The following CDHR3 variants were observed in gnomAD, a reference collection of about 807,000 sequenced individuals.
The protein encoded by CDHR3 is cadherin related family member 3, also known as cadherin-related family member 3.
In CDHR3, 79 loss-of-function variants were observed where a neutral mutation model predicts 86.6. The ratio of observed to expected loss-of-function variants is 0.91; its 90% CI spans 0.76 to 1.10. CDHR3 has a LOEUF of 1.10. Among genes scored for constraint, CDHR3 ranks in the 50% least tolerant of loss-of-function variants. CDHR3 has a pLI of 0.00. For synonymous variants in CDHR3, 421 were observed against 402.4 expected (o/e 1.05, Z -0.55); for missense variants, 1,081 against 1,077.6 (o/e 1.00, Z -0.04).
intron 1 of CDHR3, among the ~76,000 whole-genome samples, chr7:105,969,738 C>G (rs924646418): frequency 6.6e-5 from 10 of 152,244 alleles, no homozygotes; most frequent in African/African-American, 2.4e-4. Context: ...CTGTGGATCT[C>G]CTGCTGAGGC....
chr7:106,010,861 G>T (rs916817635), intron 8 of CDHR3, among the ~76,000 whole-genome samples: 2 of 152,214 alleles, frequency 1.3e-5, no homozygotes, highest in Non-Finnish European at 2.9e-5. Context: ...AGGGAGAAAA[G>T]GTAGTTGGAC....
chr7:105,985,673 T>A (rs1049325878), intron 4 of CDHR3, among the ~76,000 whole-genome samples: 3 of 151,862 alleles, frequency 2.0e-5, no homozygotes, highest in Non-Finnish European at 4.4e-5. Context: ...AAAAAAAAAA[T>A]CACCCATTCA....
intron 1 of CDHR3, among the ~76,000 whole-genome samples, chr7:105,970,172 A>T (rs902031248): frequency 6.6e-6 from 1 of 150,750 alleles, no homozygotes. Flanking sequence ...CTACACCCCA[A>T]GAAGAAGATG....
intron 14 of CDHR3, among the ~76,000 whole-genome samples, chr7:106,023,512 T>G (rs1836888492): frequency 6.6e-6 from 1 of 152,190 alleles, no homozygotes; most frequent in Non-Finnish European, 1.5e-5. Context: ...CTTGCATCTA[T>G]GCTGACTCAT....
Position 105,984,213 on chromosome 7 carries a change from A to G in CDHR3, c.437A>G (p.Glu146Gly), listed in dbSNP as rs1032501325. 8.1e-6 allele frequency: 13 copies of G among 1,609,284 alleles called. No individual in the cohort carries two copies. The African/African-American group carries it at 1.7e-4, about 21-fold the overall frequency. ...LAEGLHLYIVERANPGFIYQV... is the reference protein window; with the variant it reads ...LAEGLHLYIVGRANPGFIYQV... ...CTAGGTCTACACCTCTACATAGTAG[A>G]AAGAGCAAACCCTGGATTCATTTAC... Residue 146 changes from glutamate (E) to glycine (G), a missense_variant, in exon 4 of 19, where the codon GAA (glutamate) becomes GGA (glycine). Physicochemically the swap from Glu to Gly is moderately conservative, Grantham distance 98. Coordinates refer to ENST00000317716, the MANE Select transcript of CDHR3 (RefSeq NM_152750.5).
chr7:106,009,284 A>C (rs1834403966), intron 8 of CDHR3, among the ~76,000 whole-genome samples: 1 of 152,140 alleles, frequency 6.6e-6, no homozygotes, highest in Non-Finnish European at 1.5e-5. Context: ...CCTCCTCTGC[A>C]GTTCCAGGGG....
intron 2 of CDHR3, among the ~76,000 whole-genome samples, chr7:105,980,602 TTTTA>T (rs1231957463): frequency 3.7e-5 from 3 of 81,220 alleles, no homozygotes; most frequent in Admixed American, 1.4e-4. Context: ...TTTTTTTTTT[TTTTA>T]ATTTTTTTTT....
rs552899427 is a variant in CDHR3 at position 106,002,715 on chromosome 7, C to T, written c.862+1105C>T. On this transcript the variant is annotated intron_variant, in intron 7 of 18. Transcript: ENST00000317716. ...GTCCAATAGGAATAGAATGAAGCCA[C>T]TTACGTAATTTCAAAGTCTCTAGTA... Among the ~76,000 whole-genome samples the T allele has an allele frequency of 3.3e-5, 5 of 152,250 alleles. No homozygotes were observed. The South Asian group carries it at 1.0e-3, about 32-fold the overall frequency.
At chr7:105,982,905 C>G (rs1431577682) in intron 3 of CDHR3, among the ~76,000 whole-genome samples, 1 of 151,064 alleles carries the variant, frequency 6.6e-6, no homozygotes, top group African/African-American at 2.4e-5. Context: ...ATCACTTGAA[C>G]CTGGGAGGTC....
intron 8 of CDHR3, among the ~76,000 whole-genome samples, chr7:106,010,872 A>T (rs114542946): frequency 2.0e-5 from 3 of 152,218 alleles, no homozygotes; most frequent in Admixed American, 6.5e-5. Context: ...GTAGTTGGAC[A>T]TATTCTAGGC....
At chr7:105,977,918 G>T (rs1025522306) in intron 2 of CDHR3, among the ~76,000 whole-genome samples, 3 of 152,188 alleles carry the variant, frequency 2.0e-5, no homozygotes, top group African/African-American at 7.2e-5. Context: ...TGAGGAGGAG[G>T]ATGCTAACAT....
At chr7:105,964,542 CATG>C (rs897021311) in intron 1 of CDHR3, among the ~76,000 whole-genome samples, 11 of 151,786 alleles carry the variant, frequency 7.2e-5, no homozygotes, top group African/African-American at 1.7e-4. Context: ...TCCCATTAAG[CATG>C]ATGTTAACTT....
intron 15 of CDHR3, among the ~76,000 whole-genome samples, chr7:106,025,708 A>C (rs756377096): frequency 6.6e-6 from 1 of 152,388 alleles, no homozygotes; most frequent in Admixed American, 6.5e-5. Context: ...GAAAGACTGT[A>C]TAAAAGTACA....
At chr7:105,983,927 A>T (rs1180841613) in intron 3 of CDHR3, among the ~76,000 whole-genome samples, 4 of 152,054 alleles carry the variant, frequency 2.6e-5, no homozygotes, top group Admixed American at 2.0e-4. Context: ...CTCAAACAGC[A>T]TCACCCTGGG....
chr7:106,032,351 A>C (rs773795384), intron 18 of CDHR3, 42 bp from the exon 19 acceptor site: 28 of 1,552,002 alleles, frequency 1.8e-5, no homozygotes, highest in African/African-American at 2.7e-5. Flanking sequence ...CAGTCATTGG[A>C]ATTTTCTGGC....
At chr7:106,009,897 T>G (rs753410660) in intron 8 of CDHR3, among the ~76,000 whole-genome samples, 1 of 152,216 alleles carries the variant, frequency 6.6e-6, no homozygotes, top group Non-Finnish European at 1.5e-5. Context: ...CAGTCAACTT[T>G]GCATGGGGAG....
intron 4 of CDHR3, among the ~76,000 whole-genome samples, chr7:105,986,798 G>A (rs1423459583): frequency 1.3e-5 from 2 of 152,120 alleles, no homozygotes; most frequent in South Asian, 4.1e-4. Context: ...GGGGTGGTAG[G>A]TCAGAGAATT....
At chr7:106,027,396 C>CA (rs11347271) in intron 16 of CDHR3, among the ~76,000 whole-genome samples, 78 of 140,900 alleles carry the variant, frequency 5.5e-4, no homozygotes, top group Middle Eastern at 3.6e-3. Context: ...GACTCTGTCT[C>CA]AAAAAAAAAA....
intron 17 of CDHR3, among the ~76,000 whole-genome samples, chr7:106,029,097 G>C (rs1326107205): frequency 2.0e-5 from 3 of 151,486 alleles, no homozygotes; most frequent in Non-Finnish European, 4.4e-5. Context: ...CTCATGCCTC[G>C]GCCTCCCAAG....
Sources: allele counts gnomAD v4.1 joint callset (sites outside exome capture counted in the v4.1 genomes callset), GRCh38; gene constraint gnomAD v4.1.1; transcripts MANE v1.5; gene names NCBI Gene and HGNC (gene_info 2026-07-23, HGNC 2026-07-21).